The following PPP1R12B variants were observed in gnomAD, a reference collection of about 807,000 sequenced individuals.
PPP1R12B encodes protein phosphatase 1 regulatory subunit 12B.
Under a neutral mutation model 126.1 loss-of-function variants are expected in PPP1R12B, and 76 were observed. That is an observed-to-expected ratio of 0.60 (90% CI 0.50 to 0.73). The LOEUF (loss-of-function observed/expected upper bound fraction) is 0.73, where lower values mean the gene tolerates loss of function less well. Ranked by LOEUF, PPP1R12B falls within the 30% of genes least tolerant of loss-of-function variation. PPP1R12B has a pLI of 0.00. For synonymous variants in PPP1R12B, 356 were observed against 434.7 expected (o/e 0.82, Z 2.25); for missense variants, 1,052 against 1,205.1 (o/e 0.87, Z 1.88).
chr1:202,379,671 T>C lies in PPP1R12B; in HGVS notation c.291+30529T>C, dbSNP rs576001014. ...CATAGTCTGCCATAGGTCTATTTTT[T>C]CCCCTAATTTCACATCTTTACAGTC... On this transcript the variant is annotated intron_variant, in intron 1 of 23. Transcript: ENST00000608999. Among the ~76,000 whole-genome samples the C allele has an allele frequency of 2.8e-3, 426 of 152,352 alleles. 3 individuals are homozygous for C. Among genetic ancestry groups the C allele is most frequent in the Non-Finnish European group, 4.1e-3 (280 of 68,040 alleles).
At chr1:202,357,645 A>T (rs1657359003) in intron 1 of PPP1R12B, among the ~76,000 whole-genome samples, 1 of 152,160 alleles carries the variant, frequency 6.6e-6, no homozygotes, top group South Asian at 2.1e-4. Flanking sequence ...CCTATTACTG[A>T]TGGCTGCTTA....
chr1:202,471,757 T>C, intron 13 of PPP1R12B: 1 of 715,160 alleles, frequency 1.4e-6, no homozygotes, highest in Non-Finnish European at 2.2e-6. Flanking sequence ...ATTTTGTTGT[T>C]GTCATTAGGT....
intron 1 of PPP1R12B, among the ~76,000 whole-genome samples, chr1:202,358,698 A>C (rs955968040): frequency 2.7e-5 from 4 of 147,772 alleles, no homozygotes; most frequent in African/African-American, 4.9e-5. Flanking sequence ...AAAAAAAAAA[A>C]CTGAAACTTG....
chr1:202,469,598 T>C (rs1461562502), intron 13 of PPP1R12B, among the ~76,000 whole-genome samples: 1 of 152,144 alleles, frequency 6.6e-6, no homozygotes, highest in Non-Finnish European at 1.5e-5. Context: ...TGAGACTTTA[T>C]GCATTTGTCA....
At position 202,419,064 on chromosome 1, in the gene PPP1R12B, C is replaced by CT. The variant is rs1668445422; in HGVS notation, c.422+2152dup. On this transcript the variant is annotated intron_variant, in intron 2 of 23. Transcript: ENST00000608999. This position sits in a 1 kb window ranked among gnomAD's most constrained non-coding sequence, Gnocchi z 4.6. ...ATTCTATTTCATGTTTCATGGTGAT[C>CT]TTTTTGTCTCAGTATGTTGCATCAA... is the stretch of plus-strand genomic sequence containing the variant. Among the ~76,000 whole-genome samples, 1 of 152,076 alleles carries CT rather than the reference C, an allele frequency of 6.6e-6. No individual in the cohort carries two copies. Among genetic ancestry groups the CT allele is most frequent in the Admixed American group, 6.6e-5 (1 of 15,254 alleles).
intron 18 of PPP1R12B, among the ~76,000 whole-genome samples, chr1:202,551,999 C>T (rs1686378365): frequency 6.6e-6 from 1 of 152,080 alleles, no homozygotes. Context: ...GATTTCAGAC[C>T]GTTGAGAACT....
At chr1:202,561,836 A>G (rs1239123975) in intron 19 of PPP1R12B, among the ~76,000 whole-genome samples, 1 of 152,082 alleles carries the variant, frequency 6.6e-6, no homozygotes, top group Non-Finnish European at 1.5e-5. Flanking sequence ...TTGCTTCTCT[A>G]TCTCTTCTAA....
At chr1:202,472,302 T>C (rs1438125793) in intron 13 of PPP1R12B, among the ~76,000 whole-genome samples, 4 of 152,214 alleles carry the variant, frequency 2.6e-5, no homozygotes, top group Non-Finnish European at 4.4e-5. Flanking sequence ...GTTATTTCCA[T>C]ATACATTTTG....
chr1:202,464,842 C>T (rs566356588), intron 13 of PPP1R12B, among the ~76,000 whole-genome samples: 5 of 152,116 alleles, frequency 3.3e-5, no homozygotes, highest in Non-Finnish European at 7.4e-5. Flanking sequence ...TGATCCAAGA[C>T]ATCAAATGTA....
chr1:202,374,566 C>T (rs1182029644), intron 1 of PPP1R12B, among the ~76,000 whole-genome samples: 3 of 139,762 alleles, frequency 2.1e-5, no homozygotes, highest in African/African-American at 5.3e-5. Context: ...GGCGCAATCT[C>T]GGCTCACTTG....
intron 18 of PPP1R12B, among the ~76,000 whole-genome samples, chr1:202,546,434 T>C (rs1409423057): frequency 2.0e-5 from 3 of 151,994 alleles, no homozygotes; most frequent in African/African-American, 7.3e-5. Flanking sequence ...GTAAGAACTG[T>C]TTCTTCAAAA....
intron 5 of PPP1R12B, among the ~76,000 whole-genome samples, chr1:202,427,407 C>T (rs796220777): frequency 1.3e-5 from 2 of 152,048 alleles, no homozygotes; most frequent in South Asian, 4.1e-4. Context: ...TATTTATGTT[C>T]AAGCCTCTAA....
At chr1:202,530,196 G>A (rs1169834635) in intron 18 of PPP1R12B, among the ~76,000 whole-genome samples, 4 of 151,734 alleles carry the variant, frequency 2.6e-5, no homozygotes, top group Non-Finnish European at 5.9e-5. Flanking sequence ...TTCACTATGT[G>A]GGTCTGTTTC....
chr1:202,435,211 A>G (rs1202951062), intron 9 of PPP1R12B, among the ~76,000 whole-genome samples: 2 of 152,204 alleles, frequency 1.3e-5, no homozygotes, highest in East Asian at 1.9e-4. Context: ...TAGTGCTTCA[A>G]TATATGAATT....
intron 3 of PPP1R12B, among the ~76,000 whole-genome samples, chr1:202,424,218 A>G (rs1009418721): frequency 3.9e-5 from 6 of 152,178 alleles, no homozygotes; most frequent in Admixed American, 3.9e-4. Flanking sequence ...AGCACTGCTA[A>G]CACTTCTTTG....
In PPP1R12B at chr1:202,580,550, T is replaced by C. The variant is rs142913064; in HGVS notation, c.2939T>C (p.Leu980Pro). The change falls in exon 24 of 24, where the codon CTG (leucine) becomes CCG (proline). Residue 980 changes from leucine (L) to proline (P), a missense_variant. Leu to Pro is a moderately conservative substitution (Grantham distance 98, BLOSUM62 -3). Coordinates refer to ENST00000608999, the MANE Select transcript of PPP1R12B (RefSeq NM_002481.4). Reference protein sequence around the residue: ...NGALIRVISKLSK With the variant: ...NGALIRVISKPSK ...GCCCTCATCAGAGTCATCAGCAAAC[T>C]GTCCAAGTAGGCTAGGCTCCAGATT... 6.2e-6 allele frequency: 10 copies of C among 1,613,072 alleles called. No individual in the cohort carries two copies. Among genetic ancestry groups the C allele is most frequent in the Non-Finnish European group, 8.5e-6 (10 of 1,179,062 alleles).
At chr1:202,383,015 A>G (rs1446462977) in intron 1 of PPP1R12B, among the ~76,000 whole-genome samples, 1 of 152,232 alleles carries the variant, frequency 6.6e-6, no homozygotes, top group East Asian at 1.9e-4. Flanking sequence ...CATTATGTAG[A>G]GATAGTTATA....
chr1:202,439,324 C>T (rs1439838328), intron 10 of PPP1R12B: 26 of 1,417,610 alleles, frequency 1.8e-5, no homozygotes, highest in Non-Finnish European at 2.5e-5. Flanking sequence ...CTGAGGGCAG[C>T]CCTGAAGCTG....
chr1:202,513,220 C>T (rs546389972), intron 18 of PPP1R12B, among the ~76,000 whole-genome samples: 6 of 152,218 alleles, frequency 3.9e-5, no homozygotes, highest in African/African-American at 7.2e-5. Context: ...GTGATCCGCC[C>T]GCCTCAGCCT....
Sources: gnomAD v4.1 joint callset for allele counts (sites outside exome capture counted in the v4.1 genomes callset) on GRCh38, gnomAD v4.1.1 for gene constraint, Gnocchi (gnomAD v3.1) non-coding constraint, MANE v1.5 for transcripts, NCBI Gene and HGNC (gene_info 2026-07-23, HGNC 2026-07-21) for gene names.